The following PDZRN4 variants were observed in gnomAD, a reference collection of about 807,000 sequenced individuals.
PDZRN4 encodes the protein PDZ domain containing ring finger 4.
Under a neutral mutation model 99.0 loss-of-function variants are expected in PDZRN4, and 70 were observed. That is an observed-to-expected ratio of 0.71 (90% CI 0.58 to 0.86). The LOEUF (loss-of-function observed/expected upper bound fraction) is 0.86, where lower values mean the gene tolerates loss of function less well. PDZRN4 is among the 40% of genes least tolerant of loss of function. PDZRN4 has a pLI of 0.00. For synonymous variants in PDZRN4, 551 were observed against 501.6 expected (o/e 1.10, Z -1.32); for missense variants, 1,474 against 1,331.2 (o/e 1.11, Z -1.67).
At chr12:41,357,029 G>A (rs1169843502) in intron 3 of PDZRN4, among the ~76,000 whole-genome samples, 1 of 151,932 alleles carries the variant, frequency 6.6e-6, no homozygotes, top group African/African-American at 2.4e-5. Context: ...TGGAATGCTT[G>A]TTTAAAGGTT....
At chr12:41,463,201 G>A (rs1215937295) in intron 3 of PDZRN4, among the ~76,000 whole-genome samples, 1 of 152,166 alleles carries the variant, frequency 6.6e-6, no homozygotes, top group Admixed American at 6.5e-5. Context: ...GCTCTGAAAT[G>A]TACAAATGCC....
chr12:41,404,699 C>G (rs982608806), intron 3 of PDZRN4, among the ~76,000 whole-genome samples: 1 of 150,730 alleles, frequency 6.6e-6, no homozygotes, highest in Non-Finnish European at 1.5e-5. Flanking sequence ...GCATGAATAG[C>G]AATTCTAAGC....
chr12:41,450,684 A>AG (rs11433332), intron 3 of PDZRN4, among the ~76,000 whole-genome samples: 77,385 of 151,920 alleles, frequency 0.51, 20,176 homozygotes, highest in African/African-American at 0.64. Flanking sequence ...CACTTTTGGG[A>AG]GCTGAGGCGG....
At chr12:41,205,392 G>T (rs1338485105) in intron 3 of PDZRN4, among the ~76,000 whole-genome samples, 2 of 151,834 alleles carry the variant, frequency 1.3e-5, no homozygotes, top group Non-Finnish European at 2.9e-5. Flanking sequence ...GGGATAAAAT[G>T]TAAGGTTCTT....
At chr12:41,328,588 T>TA (rs1232969020) in intron 3 of PDZRN4, among the ~76,000 whole-genome samples, 1 of 152,110 alleles carries the variant, frequency 6.6e-6, no homozygotes, top group Non-Finnish European at 1.5e-5. Context: ...CAACTTTTTT[T>TA]AAAAAACATT....
intron 3 of PDZRN4, among the ~76,000 whole-genome samples, chr12:41,238,867 A>G (rs1951086023): frequency 6.6e-6 from 1 of 152,190 alleles, no homozygotes; most frequent in Non-Finnish European, 1.5e-5. Context: ...GTTGGCGAGA[A>G]TGCAAATTAG....
At chr12:41,527,646 A>G (rs11180978) in intron 5 of PDZRN4, among the ~76,000 whole-genome samples, 2,824 of 152,308 alleles carry the variant, frequency 0.019, 82 homozygotes, top group East Asian at 0.14. Flanking sequence ...TTATGAGCCA[A>G]ATTTTCTTTA....
At chr12:41,493,217 T>C (rs1205629374) in intron 3 of PDZRN4, among the ~76,000 whole-genome samples, 1 of 152,196 alleles carries the variant, frequency 6.6e-6, no homozygotes, top group Non-Finnish European at 1.5e-5. Context: ...TCTTTAGTGA[T>C]TAAATGTACA....
intron 3 of PDZRN4, among the ~76,000 whole-genome samples, chr12:41,370,390 C>T (rs956766204): frequency 3.9e-5 from 6 of 151,918 alleles, no homozygotes; most frequent in Admixed American, 1.3e-4. Context: ...TCCCTTGGTC[C>T]TTTAAAAATA....
At chr12:41,488,797 T>C (rs2120621335) in intron 3 of PDZRN4, among the ~76,000 whole-genome samples, 1 of 152,318 alleles carries the variant, frequency 6.6e-6, no homozygotes. Flanking sequence ...GAAACAGAGG[T>C]GAAGCTCTAT....
intron 3 of PDZRN4, among the ~76,000 whole-genome samples, chr12:41,252,019 G>C (rs1951174024): frequency 6.6e-6 from 1 of 152,028 alleles, no homozygotes; most frequent in African/African-American, 2.4e-5. Flanking sequence ...AGGATATTGA[G>C]GTGGGAGGAT....
intron 3 of PDZRN4, among the ~76,000 whole-genome samples, chr12:41,284,162 C>G (rs1591997132): frequency 1.3e-5 from 2 of 152,184 alleles, no homozygotes; most frequent in South Asian, 4.1e-4. Flanking sequence ...TCAGCAATGT[C>G]TCAGCATACA....
intron 3 of PDZRN4, among the ~76,000 whole-genome samples, chr12:41,241,593 G>C (rs1431119): frequency 1 from 152,306 of 152,312 alleles, 76,150 homozygotes; most frequent in Non-Finnish European, 1. Flanking sequence ...AAATACATTG[G>C]AATATTGTTG....
intron 3 of PDZRN4, among the ~76,000 whole-genome samples, chr12:41,466,882 CAA>C (rs761459873): frequency 2.0e-4 from 31 of 151,712 alleles, no homozygotes; most frequent in Non-Finnish European, 3.8e-4. Context: ...CCACTATGCA[CAA>C]AAGAGTAGGA....
chr12:41,281,727 C>A (rs373207479), intron 3 of PDZRN4, among the ~76,000 whole-genome samples: 11 of 152,158 alleles, frequency 7.2e-5, no homozygotes, highest in African/African-American at 2.2e-4. Context: ...GTGAAAAGAC[C>A]AAACCTATGT....
chr12:41,222,688 C>T (rs1950965631), intron 3 of PDZRN4, among the ~76,000 whole-genome samples: 1 of 151,950 alleles, frequency 6.6e-6, no homozygotes, highest in Non-Finnish European at 1.5e-5. Flanking sequence ...CCATGCCCGG[C>T]TAGTTTTTGT....
At chr12:41,225,400 T>C (rs1461027309) in intron 3 of PDZRN4, among the ~76,000 whole-genome samples, 2 of 151,010 alleles carry the variant, frequency 1.3e-5, no homozygotes, top group South Asian at 4.2e-4. Context: ...TTATCATTCA[T>C]ATTGGGAAGT....
At chr12:41,419,855 C>T (rs1952475158) in intron 3 of PDZRN4, among the ~76,000 whole-genome samples, 2 of 152,098 alleles carry the variant, frequency 1.3e-5, no homozygotes, top group South Asian at 4.1e-4. Context: ...TCCCTTACAT[C>T]CATCAGGCTA....
intron 9 of PDZRN4, among the ~76,000 whole-genome samples, chr12:41,570,612 A>G (rs1939456056): frequency 6.6e-6 from 1 of 152,104 alleles, no homozygotes; most frequent in Admixed American, 6.6e-5. Flanking sequence ...GTCTTCTTGT[A>G]TTTTTCAGCT....
Sources: gnomAD v4.1 joint callset for allele counts (sites outside exome capture counted in the v4.1 genomes callset) on GRCh38, gnomAD v4.1.1 for gene constraint, MANE v1.5 for transcripts, NCBI Gene and HGNC (gene_info 2026-07-23, HGNC 2026-07-21) for gene names.